Variants in LRRC36 observed in about 807,000 individuals in gnomAD.
LRRC36 encodes the protein leucine-rich repeat-containing protein 36.
LRRC36 carries 62 observed loss-of-function variants against 81.1 expected under a neutral mutation model. The observed-to-expected ratio is 0.76, with a 90% CI of 0.62 to 0.94. The LOEUF (loss-of-function observed/expected upper bound fraction) is 0.94. Among genes scored for constraint, LRRC36 ranks in the 40% least tolerant of loss-of-function variants. The pLI, the probability that LRRC36 is intolerant of heterozygous loss-of-function variation, is 0.00. For missense variants in LRRC36, 761 were observed against 881.7 expected (o/e 0.86, Z 1.73); for synonymous variants, 334 against 348.6 (o/e 0.96, Z 0.47).
intron 8 of LRRC36, among the ~76,000 whole-genome samples, chr16:67,369,610 AG>A (rs1567495097): frequency 6.6e-6 from 1 of 152,224 alleles, no homozygotes; most frequent in East Asian, 1.9e-4. Context: ...TACCCAAGAC[AG>A]GGTAATTTAT....
At chr16:67,364,543 A>G (rs2039299584) in intron 6 of LRRC36, among the ~76,000 whole-genome samples, 1 of 152,228 alleles carries the variant, frequency 6.6e-6, no homozygotes, top group Admixed American at 6.5e-5. Flanking sequence ...TTTTAAAAAG[A>G]TAAGCATTTA....
At chr16:67,364,231 G>A (rs2142094788) in intron 6 of LRRC36, among the ~76,000 whole-genome samples, 1 of 152,290 alleles carries the variant, frequency 6.6e-6, no homozygotes, top group South Asian at 2.1e-4. Context: ...GCAAGATGGG[G>A]GAGGAGTGAA....
intron 8 of LRRC36, among the ~76,000 whole-genome samples, chr16:67,367,879 C>A (rs767325552): frequency 9.2e-5 from 14 of 152,228 alleles, no homozygotes; most frequent in Middle Eastern, 3.4e-3. Context: ...GGTGAAACCC[C>A]GTCTCTACCA....
Position 67,385,144 on chromosome 16 carries a change from C to A in LRRC36, c.*55C>A. 7.5e-7 allele frequency: 1 copy of A among 1,335,552 alleles called. No individual in the cohort carries two copies. Among genetic ancestry groups the A allele is most frequent in the Non-Finnish European group, 1.1e-6 (1 of 933,664 alleles). 82.7% of individuals were successfully genotyped at this position (1,335,552 alleles called of 1,614,324 possible). A position where few individuals can be genotyped will look rare whatever the true frequency, so the allele number is the denominator to read the frequency against. ...CCTGGTCCACAGAGGCTCTCACCGC[C>A]ATTGCCACCAGTATGGTGGTATGTA... On this transcript the variant is annotated 3_prime_UTR_variant, in exon 14 of 14. Transcript: ENST00000329956.
chr16:67,379,824 ATACC>A (rs2040045607), intron 12 of LRRC36, among the ~76,000 whole-genome samples: 2 of 152,220 alleles, frequency 1.3e-5, no homozygotes, highest in South Asian at 4.1e-4. Flanking sequence ...AAGTTTCTTC[ATACC>A]TTCGTGTAGT....
intron 1 of LRRC36, among the ~76,000 whole-genome samples, chr16:67,327,945 C>G (rs2037279673): frequency 6.6e-6 from 1 of 151,784 alleles, no homozygotes; most frequent in Non-Finnish European, 1.5e-5. Flanking sequence ...AGGAGGGAAA[C>G]CAGATTGGAG....
At chr16:67,352,437 G>A (rs2038687284) in intron 5 of LRRC36, among the ~76,000 whole-genome samples, 1 of 152,020 alleles carries the variant, frequency 6.6e-6, no homozygotes, top group Admixed American at 6.6e-5. Context: ...CAATCATTGC[G>A]AATGGGCACT....
At chr16:67,343,329 G>A (rs1238097107) in intron 2 of LRRC36, among the ~76,000 whole-genome samples, 1 of 152,070 alleles carries the variant, frequency 6.6e-6, no homozygotes, top group Non-Finnish European at 1.5e-5. Context: ...GGAAGGCTGA[G>A]GCAGGCAGAT....
At chr16:67,384,819 A>C in intron 13 of LRRC36, 51 bp from the exon 14 acceptor site, 3 of 1,433,610 alleles carry the variant, frequency 2.1e-6, no homozygotes, top group Non-Finnish European at 2.0e-6. Context: ...TCTGCATGGT[A>C]TCTCTCTTGC....
intron 5 of LRRC36, among the ~76,000 whole-genome samples, chr16:67,350,876 T>C (rs1212188082): frequency 6.6e-6 from 1 of 152,062 alleles, no homozygotes; most frequent in East Asian, 1.9e-4. Flanking sequence ...CTGTCTCTAC[T>C]AAAAATACAA....
chr16:67,375,118 C>A, intron 9 of LRRC36, 129 bp from the exon 10 acceptor site: 4 of 994,366 alleles, frequency 4.0e-6, no homozygotes, highest in Non-Finnish European at 5.9e-6. Flanking sequence ...CAGAGCGAGA[C>A]TCCGTCTCCA....
chr16:67,372,714 A>C (rs1490566696), intron 9 of LRRC36, among the ~76,000 whole-genome samples: 1 of 152,144 alleles, frequency 6.6e-6, no homozygotes, highest in Non-Finnish European at 1.5e-5. Context: ...CTTATTTTTC[A>C]GTTGTTGGAA....
intron 1 of LRRC36, among the ~76,000 whole-genome samples, chr16:67,339,460 G>A (rs1184215840): frequency 6.6e-6 from 1 of 152,074 alleles, no homozygotes; most frequent in Non-Finnish European, 1.5e-5. Context: ...ATTTGTGGAT[G>A]TATCTTTCTG....
At chr16:67,360,814 C>T (rs1193795973) in intron 5 of LRRC36, among the ~76,000 whole-genome samples, 2 of 152,140 alleles carry the variant, frequency 1.3e-5, no homozygotes, top group East Asian at 1.9e-4. Context: ...GTTGCCAGAA[C>T]CAGTAGATGA....
intron 7 of LRRC36, among the ~76,000 whole-genome samples, 179 bp downstream of exon 7, chr16:67,365,534 G>T (rs965989215): frequency 6.6e-6 from 1 of 152,138 alleles, no homozygotes; most frequent in Non-Finnish European, 1.5e-5. Context: ...TGCTTAAAGA[G>T]TGCATATTCT....
chr16:67,365,138 G>A lies in LRRC36; in HGVS notation c.703-166G>A, dbSNP rs533398812. ...TCTGGAATCTCCTTGTATTGTGACT[G>A]TTTTAAAATAGACTTAAACTGGACC... On this transcript the variant is annotated intron_variant, in intron 6 of 13. Transcript: ENST00000329956. The A allele has an allele frequency of 2.2e-5, 13 of 578,320 alleles. No individual in the cohort carries two copies. The South Asian group carries it at 2.8e-4, about 13-fold the overall frequency. The allele number at this position is 578,320 out of a possible 1,614,324, so 35.8% of individuals were successfully genotyped here. A position where few individuals can be genotyped will look rare whatever the true frequency, so the allele number is the denominator to read the frequency against.
chr16:67,368,624 CAGA>C (rs2039505173), intron 8 of LRRC36, among the ~76,000 whole-genome samples: 1 of 152,170 alleles, frequency 6.6e-6, no homozygotes, highest in Non-Finnish European at 1.5e-5. Context: ...TGGGTGAGAT[CAGA>C]AGGAGTTGGA....
chr16:67,385,028 A>G lies in LRRC36; in HGVS notation c.2204A>G (p.His735Arg), dbSNP rs1490205308. The G allele has an allele frequency of 6.2e-7, 1 of 1,614,218 alleles. No individual in the cohort carries two copies. Among genetic ancestry groups the G allele is most frequent in the Non-Finnish European group, 8.5e-7 (1 of 1,180,050 alleles). ...TTGTCTTCCTCCTCACCAGTGGCAC[A>G]TGAGACTGGTCAGTATCTAATACAG... is the stretch of plus-strand genomic sequence containing the variant. ...STLSSSSPVA[H>R]ETGQYLIQSV... The change falls in exon 14 of 14, where the codon CAT becomes CGT. Residue 735 changes from histidine (H) to arginine (R), a missense_variant. Around this residue, in one of 3 missense-constraint regions of LRRC36, gnomAD observed 359 missense variants for 388.4 expected, o/e 0.92. Transcript: ENST00000329956.
Position 67,341,057 on chromosome 16 carries a change from A to G in LRRC36, c.71-900A>G, listed in dbSNP as rs552971481. The stretch of plus-strand genomic sequence containing the variant: ...ATATTCTATAGAATATGTACTCTAC[A>G]TATTCTATAGAATATGTACTCTACA... On this transcript the variant is annotated intron_variant, in intron 1 of 13. Transcript: ENST00000329956. Among the ~76,000 whole-genome samples, 37 of 118,750 alleles carry G rather than the reference A, an allele frequency of 3.1e-4. 9 individuals carry two copies. The highest frequency in any genetic ancestry group is 1.3e-3 in the African/African-American group (37 of 28,560). 77.9% of individuals were successfully genotyped at this position (118,750 alleles called of 152,430 possible).
Sources: gnomAD v4.1 joint callset for allele counts (sites outside exome capture counted in the v4.1 genomes callset) on GRCh38, gnomAD v4.1.1 for gene constraint, gnomAD v4.1.1 regional missense constraint, MANE v1.5 for transcripts, NCBI Gene and HGNC (gene_info 2026-07-23, HGNC 2026-07-21) for gene names.